The following PEX5L variants were observed in gnomAD, a reference collection of about 807,000 sequenced individuals.
The protein encoded by PEX5L is peroxisomal biogenesis factor 5 like.
In PEX5L, 30 loss-of-function variants were observed where a neutral mutation model predicts 84.0. The observed-to-expected ratio is 0.36, with a 90% CI of 0.27 to 0.48. The LOEUF (loss-of-function observed/expected upper bound fraction) is 0.48. Ranked by LOEUF, PEX5L falls within the 20% of genes least tolerant of loss-of-function variation. The probability of loss-of-function intolerance (pLI) is 0.99; values close to 1 mark genes in which losing one functional copy is unlikely to be tolerated. For synonymous variants in PEX5L, 270 were observed against 283.1 expected (o/e 0.95, Z 0.46); for missense variants, 533 against 754.6 (o/e 0.71, Z 3.44).
intron 8 of PEX5L, among the ~76,000 whole-genome samples, chr3:179,841,307 G>A (rs556399817): frequency 6.6e-5 from 10 of 151,944 alleles, no homozygotes; most frequent in African/African-American, 2.2e-4. Flanking sequence ...CCTCTGCTTC[G>A]AAGGCCTTCT....
intron 8 of PEX5L, among the ~76,000 whole-genome samples, chr3:179,838,319 T>C (rs1019074974): frequency 6.6e-6 from 1 of 152,212 alleles, no homozygotes; most frequent in Non-Finnish European, 1.5e-5. Flanking sequence ...AAAGTTTCCT[T>C]AAGTTGCATT....
intron 1 of PEX5L, among the ~76,000 whole-genome samples, chr3:180,026,186 A>C (rs1207797140): frequency 6.7e-6 from 1 of 149,718 alleles, no homozygotes; most frequent in Non-Finnish European, 1.5e-5. Context: ...AATTGAAGAA[A>C]TCTGAGCCAT....
intron 14 of PEX5L, among the ~76,000 whole-genome samples, chr3:179,803,489 T>A (rs1183683500): frequency 2.0e-5 from 3 of 152,184 alleles, no homozygotes; most frequent in African/African-American, 7.2e-5. Flanking sequence ...CTGAAGTCCT[T>A]CTAGCTCCTC....
chr3:179,821,663 T>C (rs993705298), intron 8 of PEX5L, among the ~76,000 whole-genome samples: 11 of 152,268 alleles, frequency 7.2e-5, no homozygotes, highest in African/African-American at 2.7e-4. Context: ...CTTGATAATC[T>C]ATGTCCATGA....
chr3:180,035,352 T>C (rs974679245), intron 1 of PEX5L, among the ~76,000 whole-genome samples: 1 of 152,188 alleles, frequency 6.6e-6, no homozygotes, highest in Non-Finnish European at 1.5e-5. Flanking sequence ...TCATATATAA[T>C]ATTTAAAAAT....
intron 8 of PEX5L, among the ~76,000 whole-genome samples, chr3:179,823,656 C>T (rs1262069018): frequency 6.6e-6 from 1 of 152,220 alleles, no homozygotes; most frequent in African/African-American, 2.4e-5. Flanking sequence ...CTTCAACATT[C>T]CCACACTAGA....
intron 11 of PEX5L, among the ~76,000 whole-genome samples, chr3:179,811,054 A>G (rs1234846460): frequency 3.9e-5 from 6 of 152,124 alleles, no homozygotes; most frequent in African/African-American, 1.4e-4. Flanking sequence ...TACTTCATCA[A>G]ATACCAACAG....
At chr3:180,016,193 A>G (rs1164871577) in intron 1 of PEX5L, among the ~76,000 whole-genome samples, 2 of 152,164 alleles carry the variant, frequency 1.3e-5, no homozygotes, top group African/African-American at 4.8e-5. Flanking sequence ...TCTTATCTCC[A>G]GAAAAATGTG....
chr3:179,874,510 AT>A (rs1311587417), intron 6 of PEX5L, 87 bp from the exon 7 acceptor site: 2 of 690,934 alleles, frequency 2.9e-6, no homozygotes, highest in Non-Finnish European at 5.1e-6. Flanking sequence ...AATTTGGATC[AT>A]TGAAAGCCAT....
chr3:179,993,084 T>A (rs532211087), intron 1 of PEX5L, among the ~76,000 whole-genome samples: 11 of 152,122 alleles, frequency 7.2e-5, no homozygotes, highest in African/African-American at 2.4e-4. Context: ...AAAATATAGA[T>A]AAGAAAAAGA....
intron 2 of PEX5L, among the ~76,000 whole-genome samples, chr3:179,910,088 G>T (rs958072104): frequency 2.0e-5 from 3 of 152,172 alleles, no homozygotes; most frequent in Non-Finnish European, 4.4e-5. Context: ...CACTAACAAT[G>T]TTACTTTAAG....
At chr3:179,884,233 T>C (rs1482812680) in intron 4 of PEX5L, among the ~76,000 whole-genome samples, 1 of 152,204 alleles carries the variant, frequency 6.6e-6, no homozygotes, top group East Asian at 1.9e-4. Flanking sequence ...ACATGTCACA[T>C]GGCAAAAGGG....
chr3:179,842,541 T>G (rs1737686590), intron 8 of PEX5L, among the ~76,000 whole-genome samples: 1 of 152,128 alleles, frequency 6.6e-6, no homozygotes, highest in Admixed American at 6.5e-5. Flanking sequence ...AATATTTTTA[T>G]AAATAGAACA....
chr3:179,992,684 T>G (rs558892298), intron 1 of PEX5L, among the ~76,000 whole-genome samples: 2 of 152,280 alleles, frequency 1.3e-5, no homozygotes, highest in African/African-American at 4.8e-5. Flanking sequence ...TAAATAAAAT[T>G]TCCAGAAATG....
intron 1 of PEX5L, among the ~76,000 whole-genome samples, chr3:179,993,650 C>A (rs1271192105): frequency 6.6e-6 from 1 of 152,212 alleles, no homozygotes; most frequent in African/African-American, 2.4e-5. Context: ...CAGGCACACA[C>A]CACCACACCC....
At chr3:179,895,848 T>A (rs2108953710) in intron 3 of PEX5L, among the ~76,000 whole-genome samples, 1 of 152,240 alleles carries the variant, frequency 6.6e-6, no homozygotes, top group Non-Finnish European at 1.5e-5. Flanking sequence ...CCCAATGACA[T>A]TATTTATAGA....
chr3:179,901,334 TC>T (rs1349543676), intron 2 of PEX5L, among the ~76,000 whole-genome samples: 1 of 151,946 alleles, frequency 6.6e-6, no homozygotes, highest in Non-Finnish European at 1.5e-5. Flanking sequence ...GACTTCAAAC[TC>T]AGTTTTCAAA....
intron 1 of PEX5L, among the ~76,000 whole-genome samples, chr3:179,980,649 T>C (rs1579214357): frequency 6.6e-6 from 1 of 152,308 alleles, no homozygotes; most frequent in Non-Finnish European, 1.5e-5. Context: ...AAGAATTCTA[T>C]ACTCTTCTGA....
chr3:179,948,881 T>C (rs1299793767), intron 2 of PEX5L, among the ~76,000 whole-genome samples: 1 of 152,262 alleles, frequency 6.6e-6, no homozygotes, highest in East Asian at 1.9e-4. Flanking sequence ...AGAAGTTTTT[T>C]AGAGCATTTT....
Sources: gnomAD v4.1 joint callset for allele counts (sites outside exome capture counted in the v4.1 genomes callset) on GRCh38, gnomAD v4.1.1 for gene constraint, MANE v1.5 for transcripts, NCBI Gene and HGNC (gene_info 2026-07-23, HGNC 2026-07-21) for gene names.